SIPA1L1: variants seen among roughly 807,000 people sequenced by gnomAD.
SIPA1L1 encodes the protein signal-induced proliferation-associated 1-like protein 1.
A neutral mutation model predicts 162.7 loss-of-function variants in SIPA1L1; 26 were observed. The ratio of observed to expected loss-of-function variants is 0.16; its 90% CI spans 0.12 to 0.22. The LOEUF (loss-of-function observed/expected upper bound fraction) is 0.22. SIPA1L1 is among the 10% of genes least tolerant of loss of function. SIPA1L1 has a pLI of 1.00. For synonymous variants in SIPA1L1, 829 were observed against 837.4 expected, an observed-to-expected ratio of 0.99 and a Z score of 0.17; for missense variants, 1,874 against 2,241.0, an observed-to-expected ratio of 0.84 and a Z score of 3.31.
intron 4 of SIPA1L1, among the ~76,000 whole-genome samples, chr14:71,547,985 G>C (rs1394862017): frequency 1.3e-5 from 2 of 152,148 alleles, no homozygotes; most frequent in African/African-American, 4.8e-5. Flanking sequence ...CAGTAGCTCT[G>C]CTTATTCTTG....
At chr14:71,451,649 A>G (rs986129885) in intron 2 of SIPA1L1, among the ~76,000 whole-genome samples, 9 of 151,734 alleles carry the variant, frequency 5.9e-5, no homozygotes, top group East Asian at 5.8e-4. Context: ...AAAAAAAAAA[A>G]AAAGAAAAAA....
chr14:71,687,114 GACAA>G (rs1257470273), intron 13 of SIPA1L1, among the ~76,000 whole-genome samples: 1 of 152,192 alleles, frequency 6.6e-6, no homozygotes, highest in Non-Finnish European at 1.5e-5. Context: ...AATAAAAACA[GACAA>G]ACAATTTAAT....
chr14:71,585,552 C>T (rs757264375), intron 4 of SIPA1L1, among the ~76,000 whole-genome samples: 1 of 152,166 alleles, frequency 6.6e-6, no homozygotes, highest in African/African-American at 2.4e-5. Context: ...TAGTTTCCTC[C>T]TCTAATGGAA....
At chr14:71,627,982 G>A (rs932845217) in intron 7 of SIPA1L1, among the ~76,000 whole-genome samples, 2 of 151,842 alleles carry the variant, frequency 1.3e-5, no homozygotes, top group African/African-American at 4.8e-5. Flanking sequence ...GGAATATTCT[G>A]ATGCTTAAAA....
intron 2 of SIPA1L1, among the ~76,000 whole-genome samples, chr14:71,433,846 C>T (rs2044183264): frequency 6.6e-6 from 1 of 152,150 alleles, no homozygotes; most frequent in Non-Finnish European, 1.5e-5. Flanking sequence ...ATGAATTATG[C>T]CCAACCTTTA....
At chr14:71,666,868 T>TAA (rs960598363) in intron 10 of SIPA1L1, among the ~76,000 whole-genome samples, 43 of 78,118 alleles carry the variant, frequency 5.5e-4, no homozygotes, top group Middle Eastern at 9.4e-3. Context: ...TTCCTCTCTG[T>TAA]AAAAAAAAAA....
chr14:71,513,392 G>C (rs1041720140), intron 3 of SIPA1L1, among the ~76,000 whole-genome samples: 6 of 151,998 alleles, frequency 3.9e-5, no homozygotes, highest in African/African-American at 1.5e-4. Flanking sequence ...ATCAGTCAGG[G>C]TTCTCCAGAG....
intron 4 of SIPA1L1, among the ~76,000 whole-genome samples, chr14:71,532,925 G>C (rs967849371): frequency 6.6e-6 from 1 of 152,150 alleles, no homozygotes; most frequent in African/African-American, 2.4e-5. Context: ...AGACCTTTTA[G>C]ACCTGTCTTG....
chr14:71,704,954 T>C (rs993163922), intron 15 of SIPA1L1: 50 of 635,164 alleles, frequency 7.9e-5, no homozygotes, highest in Non-Finnish European at 1.2e-4. Context: ...TGAACTTTGC[T>C]GCGTTGTTCA....
chr14:71,640,639 CT>C (rs1372082831), intron 7 of SIPA1L1, among the ~76,000 whole-genome samples: 1 of 151,836 alleles, frequency 6.6e-6, no homozygotes, highest in African/African-American at 2.4e-5. Context: ...TTTTCTTCTT[CT>C]TTGAGACGGA....
chr14:71,651,080 A>C (rs1255695465), intron 8 of SIPA1L1, among the ~76,000 whole-genome samples: 1 of 152,204 alleles, frequency 6.6e-6, no homozygotes, highest in East Asian at 1.9e-4. Context: ...ATAATGAAAC[A>C]ATCTGTTTAA....
At chr14:71,571,988 A>G (rs2032155840) in intron 4 of SIPA1L1, among the ~76,000 whole-genome samples, 1 of 152,086 alleles carries the variant, frequency 6.6e-6, no homozygotes, top group South Asian at 2.1e-4. Context: ...TATTTCACAC[A>G]GATGGAGGCT....
intron 4 of SIPA1L1, among the ~76,000 whole-genome samples, chr14:71,558,024 T>A (rs969711103): frequency 6.6e-6 from 1 of 152,214 alleles, no homozygotes; most frequent in Non-Finnish European, 1.5e-5. Context: ...AGAAGTAATA[T>A]TCTTGTTGGC....
chr14:71,480,767 C>CA (rs2048295672), intron 2 of SIPA1L1, among the ~76,000 whole-genome samples: 1 of 151,770 alleles, frequency 6.6e-6, no homozygotes, highest in South Asian at 2.1e-4. Context: ...GTTTCCAAAA[C>CA]AAAAAACAAA....
intron 2 of SIPA1L1, among the ~76,000 whole-genome samples, chr14:71,511,701 A>G (rs776726000): frequency 6.6e-6 from 1 of 152,162 alleles, no homozygotes. Flanking sequence ...TATTAATACG[A>G]TGACTAGTGG....
chr14:71,701,566 A>C (rs1440308524), intron 14 of SIPA1L1, among the ~76,000 whole-genome samples: 1 of 152,152 alleles, frequency 6.6e-6, no homozygotes, highest in East Asian at 1.9e-4. Flanking sequence ...ATTAGTAACC[A>C]CATATATATT....
At chr14:71,387,575 C>G (rs1454541118) in intron 2 of SIPA1L1, among the ~76,000 whole-genome samples, 4 of 152,124 alleles carry the variant, frequency 2.6e-5, no homozygotes, top group Non-Finnish European at 5.9e-5. Context: ...TTAACACAGG[C>G]TGTCTGAATA....
At chr14:71,594,613 A>G (rs1472946726) in intron 5 of SIPA1L1, among the ~76,000 whole-genome samples, 2 of 152,190 alleles carry the variant, frequency 1.3e-5, no homozygotes, top group African/African-American at 2.4e-5. Flanking sequence ...CTGCTGAACC[A>G]TGTTGTGTTC....
chr14:71,683,531 T>A (rs2045997408), intron 12 of SIPA1L1, among the ~76,000 whole-genome samples: 1 of 152,228 alleles, frequency 6.6e-6, no homozygotes, highest in Non-Finnish European at 1.5e-5. Flanking sequence ...CTTTATAATA[T>A]GCCTTATTTA....
Sources: allele counts gnomAD v4.1 joint callset (sites outside exome capture counted in the v4.1 genomes callset), GRCh38; gene constraint gnomAD v4.1.1; transcripts MANE v1.5; gene names NCBI Gene and HGNC (gene_info 2026-07-23, HGNC 2026-07-21).